ARHGEF10: variants seen among roughly 807,000 people sequenced by gnomAD.
The protein encoded by ARHGEF10 is Rho guanine nucleotide exchange factor (GEF) 10.
A neutral mutation model predicts 147.4 loss-of-function variants in ARHGEF10; 140 were observed. That is an observed-to-expected ratio of 0.95 (90% CI 0.83 to 1.09). The LOEUF (loss-of-function observed/expected upper bound fraction) is 1.09, where lower values mean the gene tolerates loss of function less well. Among genes scored for constraint, ARHGEF10 ranks in the 50% least tolerant of loss-of-function variants. The pLI is 0.00. For synonymous variants in ARHGEF10, 902 were observed against 695.8 expected (o/e 1.30, Z -4.67); for missense variants, 2,222 against 1,752.7 (o/e 1.27, Z -4.78).
At chr8:1,837,361 C>T (rs1803648846) in intron 1 of ARHGEF10, among the ~76,000 whole-genome samples, 1 of 152,214 alleles carries the variant, frequency 6.6e-6, no homozygotes, top group Non-Finnish European at 1.5e-5. Flanking sequence ...GAGCTGTCAC[C>T]CTTAAAAAGG....
chr8:1,956,850 C>G lies in ARHGEF10; in HGVS notation c.3622C>G (p.Leu1208Val), dbSNP rs761651094. ...EKDKDKSRDS[L>V]APGPEPQDED... is the part of the protein sequence containing the mutation. ...AGACAAGGACAAATCCAGGGACAGC[C>G]TGGCTCCTGGCCCCGAGCCTCAGGA... Residue 1208 changes from leucine to valine, a missense_variant, in exon 29 of 29, where the codon CTG (leucine) becomes GTG (valine). Physicochemically the swap from Leu to Val is conservative, Grantham distance 32 (BLOSUM62 1). Coordinates refer to ENST00000349830, the MANE Select transcript of ARHGEF10 (RefSeq NM_014629.4). 2.8e-5 allele frequency: 45 copies of G among 1,613,964 alleles called. No individual in the cohort carries two copies. Among genetic ancestry groups the G allele is most frequent in the Non-Finnish European group, 3.6e-5 (43 of 1,180,040 alleles).
chr8:1,898,427 C>T lies in ARHGEF10; in HGVS notation c.1558-6C>T. The T allele has an allele frequency of 6.2e-7, 1 of 1,613,954 alleles. No individual in the cohort carries two copies. Among genetic ancestry groups the T allele is most frequent in the Non-Finnish European group, 8.5e-7 (1 of 1,179,968 alleles). ...AGGGAGGTGACCCCGGTGCCTTCCC[C>T]CACAGCAGGAACAGGAGGCCAGCCC... On this transcript the variant is annotated splice_region_variant and splice_polypyrimidine_tract_variant and intron_variant, in intron 14 of 28. Coordinates refer to ENST00000349830, the MANE Select transcript of ARHGEF10 (RefSeq NM_014629.4).
intron 1 of ARHGEF10, among the ~76,000 whole-genome samples, chr8:1,836,916 C>A (rs1369145959): frequency 2.0e-5 from 3 of 152,182 alleles, no homozygotes; most frequent in Non-Finnish European, 4.4e-5. Flanking sequence ...TCCTCATTTT[C>A]TCTTGCCGCC....
chr8:1,929,727 C>A (rs575281460), intron 25 of ARHGEF10, among the ~76,000 whole-genome samples: 192 of 152,334 alleles, frequency 1.3e-3, no homozygotes, highest in African/African-American at 4.4e-3. Context: ...GGCACCGGGC[C>A]ATGCAGAGCC....
chr8:1,851,183 AGCGAC>A (rs1413139608), intron 2 of ARHGEF10, among the ~76,000 whole-genome samples: 32 of 151,256 alleles, frequency 2.1e-4, no homozygotes, highest in African/African-American at 6.6e-4. Flanking sequence ...GGCTTTAGTT[AGCGAC>A]GTACCTCAAC....
intron 2 of ARHGEF10, among the ~76,000 whole-genome samples, chr8:1,853,040 G>A (rs1054122866): frequency 2.6e-5 from 4 of 152,170 alleles, no homozygotes; most frequent in Non-Finnish European, 4.4e-5. Flanking sequence ...CCCCAGGTTA[G>A]ATTTGGGCCG....
chr8:1,909,533 G>A (rs571538393), intron 18 of ARHGEF10, 63 bp downstream of exon 18: 1 of 1,602,982 alleles, frequency 6.2e-7, no homozygotes, highest in South Asian at 1.1e-5. Context: ...GTTCATGCTA[G>A]CTGTGGGGCC....
rs569626609 is a variant in ARHGEF10 at position 1,899,978 on chromosome 8, G to A, written c.1650+1453G>A. ...CCACATGCCCTGTGTTTAGCGATGCGCCAGTGAGTCCCTGGGTCGTTCTTG... is the reference window on the plus strand; with the variant it reads ...CCACATGCCCTGTGTTTAGCGATGCACCAGTGAGTCCCTGGGTCGTTCTTG... On this transcript the variant is annotated intron_variant, in intron 15 of 28. Coordinates refer to ENST00000349830, the MANE Select transcript of ARHGEF10 (RefSeq NM_014629.4). Among the ~76,000 whole-genome samples, 20 of 152,314 alleles carry A rather than the reference G, an allele frequency of 1.3e-4. No homozygotes were observed. In the East Asian group the frequency reaches 1.5e-3, roughly 12 times the overall value.
chr8:1,928,618 C>T lies in ARHGEF10; in HGVS notation c.2889C>T (p.Val963=), dbSNP rs937102266. Residue 963 remains valine, a synonymous_variant, in exon 24 of 29, where the codon GTC becomes GTT. Coordinates refer to ENST00000349830, the MANE Select transcript of ARHGEF10 (RefSeq NM_014629.4). The part of the protein sequence containing the change: ...PETPAVRASD[V]PTICVGTEEG... Reference sequence around the variant, plus strand: ...CCCCGGCCGTGAGAGCTTCTGATGTCCCCACGATCTGTGTAGGGACGGAGG... The same window carrying T: ...CCCCGGCCGTGAGAGCTTCTGATGTTCCCACGATCTGTGTAGGGACGGAGG... The T allele has an allele frequency of 1.2e-6, 2 of 1,614,144 alleles. No homozygotes were observed. The highest frequency in any genetic ancestry group is 1.7e-6 in the Non-Finnish European group (2 of 1,180,024).
chr8:1,918,460 C>CTGTGTGTGTGTGTG (rs60519090), intron 18 of ARHGEF10, among the ~76,000 whole-genome samples: 140 of 140,942 alleles, frequency 9.9e-4, no homozygotes, highest in African/African-American at 3.5e-3. Context: ...CATTTGATGG[C>CTGTGTGTGTGTGTG]TGTGTGTGTG....
At chr8:1,839,904 G>A (rs1446019255) in intron 1 of ARHGEF10, among the ~76,000 whole-genome samples, 4 of 143,348 alleles carry the variant, frequency 2.8e-5, no homozygotes, top group Admixed American at 1.4e-4. Context: ...GGGACTGTCC[G>A]GTGTGGGGAC....
intron 17 of ARHGEF10, among the ~76,000 whole-genome samples, chr8:1,907,003 G>A (rs1463204666): frequency 6.6e-6 from 1 of 152,222 alleles, no homozygotes; most frequent in Non-Finnish European, 1.5e-5. Flanking sequence ...GACGCCTGGC[G>A]ACAGCCGCAG....
intron 11 of ARHGEF10, 56 bp from the exon 12 acceptor site, chr8:1,893,513 T>C: frequency 1.7e-6 from 2 of 1,146,654 alleles, no homozygotes; most frequent in East Asian, 2.3e-5. Context: ...AAGTAAAATG[T>C]ATCTGTGTGT....
intron 1 of ARHGEF10, among the ~76,000 whole-genome samples, chr8:1,840,900 G>A (rs1585229417): frequency 1.3e-5 from 2 of 152,166 alleles, no homozygotes; most frequent in Admixed American, 1.3e-4. Flanking sequence ...ACCGCCTCAC[G>A]GGTGCGCTGG....
chr8:1,847,591 T>C (rs1381781371), intron 2 of ARHGEF10, among the ~76,000 whole-genome samples: 1 of 151,868 alleles, frequency 6.6e-6, no homozygotes, highest in Non-Finnish European at 1.5e-5. Context: ...GCAGCTTTGT[T>C]TCTGGGGGCA....
At position 1,896,759 on chromosome 8, in the gene ARHGEF10, T is replaced by G. The variant is rs187664658; in HGVS notation, c.1557+310T>G. Among the ~76,000 whole-genome samples the G allele has an allele frequency of 1.6e-3, 239 of 152,334 alleles. 1 individual carries two copies. Among genetic ancestry groups the G allele is most frequent in the African/African-American group, 5.5e-3 (227 of 41,570 alleles). On this transcript the variant is annotated intron_variant, in intron 14 of 28. Coordinates refer to ENST00000349830, the MANE Select transcript of ARHGEF10 (RefSeq NM_014629.4). ...CCCTCACTGTCCTTCGGTATGGTAT[T>G]AGGAATCAAATAAACTAAACATCTC...
chr8:1,834,887 C>G (rs1358908854), intron 1 of ARHGEF10, among the ~76,000 whole-genome samples: 1 of 152,256 alleles, frequency 6.6e-6, no homozygotes, highest in East Asian at 1.9e-4. Flanking sequence ...ACCGCGCAGC[C>G]TTGGACACCG....
Position 1,890,544 on chromosome 8 carries a change from GTGGGGTGA to G in ARHGEF10, c.1183-3024_1183-3017del, listed in dbSNP as rs368721911. Among the ~76,000 whole-genome samples the G allele has an allele frequency of 4.9e-3, 739 of 150,942 alleles. 14 individuals carry two copies. The highest frequency in any genetic ancestry group is 0.017 in the African/African-American group (685 of 40,608). ...AGACGGGTCTCTGAGGAGACACTGA[GTGGGGTGA>G]GAGTTTTGAGGAGTCACTGAGTGTG... On this transcript the variant is annotated intron_variant, in intron 11 of 28. Transcript: ENST00000349830.
intron 25 of ARHGEF10, among the ~76,000 whole-genome samples, chr8:1,929,996 C>T: frequency 6.6e-6 from 1 of 152,188 alleles, no homozygotes; most frequent in African/African-American, 2.4e-5. Flanking sequence ...CTCTCTCCAG[C>T]CCCTGCCGCG....
Sources: allele counts gnomAD v4.1 joint callset (sites outside exome capture counted in the v4.1 genomes callset), GRCh38; gene constraint gnomAD v4.1.1; transcripts MANE v1.5; gene names NCBI Gene and HGNC (gene_info 2026-07-23, HGNC 2026-07-21).